ZNF555: variants seen among roughly 807,000 people sequenced by gnomAD.
ZNF555 encodes the protein zinc finger protein 555.
In ZNF555, 10 loss-of-function variants were observed where a neutral mutation model predicts 14.0. That is an observed-to-expected ratio of 0.72 (90% CI 0.44 to 1.21). ZNF555 has a LOEUF of 1.21. Among genes scored for constraint, ZNF555 ranks in the 50% most tolerant of loss-of-function variants. The pLI is 0.00. For missense variants in ZNF555, 747 were observed against 762.0 expected (o/e 0.98, Z 0.23); for synonymous variants, 277 against 262.4 (o/e 1.06, Z -0.54).
At position 2,851,747 on chromosome 19, in the gene ZNF555, G is replaced by C. The variant is rs985174582; in HGVS notation, c.314+96G>C. On this transcript the variant is annotated intron_variant, in intron 3 of 3. Transcript: ENST00000334241. ...GCAAGCAAACAGAAAACTCATCCAA[G>C]CCTAGCTCCAATTTGTTTAATCCAC... The C allele has an allele frequency of 6.2e-6, 7 of 1,132,944 alleles. No individual in the cohort carries two copies. In the Admixed American group the frequency reaches 9.9e-5, roughly 16 times the overall value. The allele number at this position is 1,132,944 out of a possible 1,614,324, so 70.2% of individuals were successfully genotyped here. A position where few individuals can be genotyped will look rare whatever the true frequency, so the allele number is the denominator to read the frequency against.
rs1299821254 is a variant in ZNF555, at chr19:2,859,934, C to G, written c.*5982C>G. Reference sequence around the variant, plus strand: ...TGTTCTTCTGTGTAACAGGTGATGTCCTAGGTGCTGCAGTGAACAGAAGAG... The same window carrying G: ...TGTTCTTCTGTGTAACAGGTGATGTGCTAGGTGCTGCAGTGAACAGAAGAG... On this transcript the variant is annotated 3_prime_UTR_variant, in exon 4 of 4. Transcript: ENST00000334241. The G allele has an allele frequency of 6.6e-6, 1 of 152,186 alleles. No homozygotes were observed. Among genetic ancestry groups the G allele is most frequent in the Non-Finnish European group, 1.5e-5 (1 of 68,068 alleles). 9.4% of individuals were successfully genotyped at this position (152,186 alleles called of 1,614,324 possible).
At chr19:2,850,839 C>A in intron 2 of ZNF555, 126 bp downstream of exon 2, 1 of 1,158,506 alleles carries the variant, frequency 8.6e-7, no homozygotes, top group Non-Finnish European at 1.2e-6. Context: ...CAGACATAGT[C>A]ACAGCTGTCA....
intron 1 of ZNF555, among the ~76,000 whole-genome samples, chr19:2,843,937 C>G (rs116948235): frequency 1.3e-5 from 2 of 152,082 alleles, no homozygotes; most frequent in Admixed American, 6.6e-5. Flanking sequence ...GGTGCTGTCT[C>G]GGCTCATTGC....
rs138961273 is a variant in ZNF555, at chr19:2,852,547, G to C, written c.482G>C (p.Ser161Thr). 11 of 1,613,912 alleles carry C rather than the reference G, an allele frequency of 6.8e-6. No individual in the cohort carries two copies. The highest frequency in any genetic ancestry group is 9.3e-6 in the Non-Finnish European group (11 of 1,180,030). Residue 161 changes from serine to threonine, a missense_variant, in exon 4 of 4, where the codon AGT becomes ACT. Physicochemically the swap from Ser to Thr is moderately conservative, Grantham distance 58 (BLOSUM62 1). Coordinates refer to ENST00000334241, the MANE Select transcript of ZNF555 (RefSeq NM_152791.5). ...ATGCATCGCCGCACATCCCTCAAGA[G>C]TCCCATCACAGTTCACACTGGACAC... ...VFMHRRTSLKSPITVHTGHKP... is the reference protein window; with the variant it reads ...VFMHRRTSLKTPITVHTGHKP...
rs561693276 is a variant in ZNF555 at position 2,855,791 on chromosome 19, T to C, written c.*1839T>C. 1.3e-5 allele frequency: 2 copies of C among 152,268 alleles called. No homozygotes were observed. The highest frequency in any genetic ancestry group is 3.9e-4 in the East Asian group (2 of 5,182). 9.4% of individuals were successfully genotyped at this position (152,268 alleles called of 1,614,324 possible). On this transcript the variant is annotated 3_prime_UTR_variant, in exon 4 of 4. Transcript: ENST00000334241. Reference sequence around the variant, plus strand: ...CAGAACTCACCTAGCTTCTGGTAGTTCCTTAGCTTGTGGCAGCATAACTCT... The same window carrying C: ...CAGAACTCACCTAGCTTCTGGTAGTCCCTTAGCTTGTGGCAGCATAACTCT...
At chr19:2,843,393 G>T (rs908258093) in intron 1 of ZNF555, among the ~76,000 whole-genome samples, 1 of 152,116 alleles carries the variant, frequency 6.6e-6, no homozygotes, top group African/African-American at 2.4e-5. Flanking sequence ...TCGAACTCCT[G>T]AGCTCAGGTG....
intron 1 of ZNF555, among the ~76,000 whole-genome samples, chr19:2,842,338 A>G (rs2087544822): frequency 6.6e-6 from 1 of 152,182 alleles, no homozygotes; most frequent in Non-Finnish European, 1.5e-5. Context: ...GCTCTCACAC[A>G]CAAGGAAGAA....
intron 1 of ZNF555, among the ~76,000 whole-genome samples, chr19:2,842,242 TC>T (rs929983022): frequency 6.6e-5 from 10 of 152,184 alleles, no homozygotes; most frequent in African/African-American, 2.4e-4. Context: ...GTCCCGGTTT[TC>T]CTTCTTGAGG....
chr19:2,853,442 A>G lies in ZNF555; in HGVS notation c.1377A>G (p.Lys459=), dbSNP rs770609442. 1.2e-6 allele frequency: 2 copies of G among 1,614,102 alleles called. No homozygotes were observed. Among genetic ancestry groups the G allele is most frequent in the African/African-American group, 2.7e-5 (2 of 74,952 alleles). The change falls in exon 4 of 4, where the codon AAA becomes AAG. Residue 459 remains lysine, a synonymous_variant. Transcript: ENST00000334241. ...CCTATGAATGTAAGCAGTGTGGGAA[A>G]GCCTTCAGCTTGTCTGCTTGCTTTC... ...EKPYECKQCG[K]AFSLSACFRE... is the part of the protein sequence containing the mutation.
Position 2,850,821 on chromosome 19 carries a change from A to T in ZNF555, c.130+108A>T, listed in dbSNP as rs1179971211. 2.9e-6 allele frequency: 4 copies of T among 1,390,884 alleles called. No individual in the cohort carries two copies. In the Admixed American group the frequency reaches 6.2e-5, roughly 21 times the overall value. The allele number at this position is 1,390,884 out of a possible 1,614,324, so 86.2% of individuals were successfully genotyped here. A position where few individuals can be genotyped will look rare whatever the true frequency, so the allele number is the denominator to read the frequency against. On this transcript the variant is annotated intron_variant, in intron 2 of 3. Coordinates refer to ENST00000334241, the MANE Select transcript of ZNF555 (RefSeq NM_152791.5). ...GAATGTGGAAAGGGAATAAATTGGTAAATAAGACAGACATAGTCACAGCTG... is the reference window on the plus strand; with the variant it reads ...GAATGTGGAAAGGGAATAAATTGGTTAATAAGACAGACATAGTCACAGCTG...
Position 2,852,603 on chromosome 19 carries a change from G to A in ZNF555, c.538G>A (p.Ala180Thr). The change falls in exon 4 of 4, where the codon GCC becomes ACC. Residue 180 changes from alanine (A) to threonine (T), a missense_variant. Coordinates refer to ENST00000334241, the MANE Select transcript of ZNF555 (RefSeq NM_152791.5). ...KPYQCQECGQ[A>T]YSCRSHLRMH... is the part of the protein sequence containing the mutation. ...ATATCAGTGCCAGGAATGTGGGCAG[G>A]CCTACAGTTGTCGTTCACACCTAAG... 5 of 1,614,156 alleles carry A rather than the reference G, an allele frequency of 3.1e-6. No homozygotes were observed. The highest frequency in any genetic ancestry group is 2.2e-5 in the South Asian group (2 of 91,084).
rs1330177046 is a variant in ZNF555, at chr19:2,856,840, T to G, written c.*2888T>G. The G allele has an allele frequency of 6.6e-6, 1 of 152,150 alleles. No individual in the cohort carries two copies. The highest frequency in any genetic ancestry group is 1.9e-4 in the East Asian group (1 of 5,198). The allele number at this position is 152,150 out of a possible 1,614,324, so 9.4% of individuals were successfully genotyped here. ...CTACAAAGCAGAAGTTAATTGGAGC[T>G]GAAAACTAATCAGTAAAGCCACAGC... On this transcript the variant is annotated 3_prime_UTR_variant, in exon 4 of 4. Transcript: ENST00000334241.
Position 2,841,578 on chromosome 19 carries a change from G to C in ZNF555, c.3+3G>C. 6.5e-7 allele frequency: 1 copy of C among 1,542,236 alleles called. No homozygotes were observed. The highest frequency in any genetic ancestry group is 8.7e-7 in the Non-Finnish European group (1 of 1,143,218). On this transcript the variant is annotated splice_donor_region_variant and intron_variant, in intron 1 of 3. Transcript: ENST00000334241. Reference sequence around the variant, plus strand: ...CGAAGAAATCGCCCCGGGACATGGTGAGTGTGGCGCAGGAGAGGATCCCGG... The same window carrying C: ...CGAAGAAATCGCCCCGGGACATGGTCAGTGTGGCGCAGGAGAGGATCCCGG...
rs1347119442 is a variant in ZNF555, at chr19:2,856,001, T to C, written c.*2049T>C. ...GCGAATTAAGATTTCAACGTAAAAA[T>C]TTTAGGAGACCCAATTCAACCCATA... is the stretch of plus-strand genomic sequence containing the variant. On this transcript the variant is annotated 3_prime_UTR_variant, in exon 4 of 4. Transcript: ENST00000334241. 1 of 152,176 alleles carries C rather than the reference T, an allele frequency of 6.6e-6. No individual in the cohort carries two copies. Among genetic ancestry groups the C allele is most frequent in the Non-Finnish European group, 1.5e-5 (1 of 68,024 alleles). The allele number at this position is 152,176 out of a possible 1,614,324, so 9.4% of individuals were successfully genotyped here. A position where few individuals can be genotyped will look rare whatever the true frequency, so the allele number is the denominator to read the frequency against.
chr19:2,853,547 C>T lies in ZNF555; in HGVS notation c.1482C>T (p.Ser494=), dbSNP rs1010532002. The T allele has an allele frequency of 6.2e-7, 1 of 1,610,826 alleles. No homozygotes were observed. The highest frequency in any genetic ancestry group is 8.5e-7 in the Non-Finnish European group (1 of 1,177,694). The part of the protein sequence containing the change: ...LCGKAFYCHI[S]LQKHMRRHTA... ...GGAAAGCTTTCTATTGCCACATATC[C>T]TTACAAAAACATATGAGAAGACATA... Residue 494 remains serine (S), a synonymous_variant, in exon 4 of 4, where the codon TCC becomes TCT. Transcript: ENST00000334241.
Position 2,853,336 on chromosome 19 carries a change from A to G in ZNF555, c.1271A>G (p.Tyr424Cys), listed in dbSNP as rs146880900. 4 of 1,614,184 alleles carry G rather than the reference A, an allele frequency of 2.5e-6. No individual in the cohort carries two copies. Among genetic ancestry groups the G allele is most frequent in the East Asian group, 2.2e-5 (1 of 44,888 alleles). Residue 424 changes from tyrosine to cysteine, a missense_variant, in exon 4 of 4, where the codon TAT becomes TGT. Coordinates refer to ENST00000334241, the MANE Select transcript of ZNF555 (RefSeq NM_152791.5). ...HMRVHTGEKPYECKQCGKTFN... is the reference protein window; with the variant it reads ...HMRVHTGEKPCECKQCGKTFN... ...AGGGTGCACACTGGAGAGAAACCCTATGAGTGCAAGCAATGTGGGAAAACT... is the reference window on the plus strand; with the variant it reads ...AGGGTGCACACTGGAGAGAAACCCTGTGAGTGCAAGCAATGTGGGAAAACT...
chr19:2,845,311 G>A (rs1457834757), intron 1 of ZNF555, among the ~76,000 whole-genome samples: 2 of 152,176 alleles, frequency 1.3e-5, no homozygotes, highest in Non-Finnish European at 2.9e-5. Flanking sequence ...TCTTTTTTAT[G>A]GCTGTGTAGT....
Position 2,851,596 on chromosome 19 carries a change from A to G in ZNF555, c.259A>G (p.Ile87Val), listed in dbSNP as rs1256232433. 6.2e-7 allele frequency: 1 copy of G among 1,611,438 alleles called. No individual in the cohort carries two copies. Among genetic ancestry groups the G allele is most frequent in the Non-Finnish European group, 8.5e-7 (1 of 1,179,328 alleles). Residue 87 changes from isoleucine (I) to valine (V), a missense_variant, in exon 3 of 4, where the codon ATT (isoleucine) becomes GTT (valine). Coordinates refer to ENST00000334241, the MANE Select transcript of ZNF555 (RefSeq NM_152791.5). ...NVSWASVLGKIWDSLSIEDQT... is the reference protein window; with the variant it reads ...NVSWASVLGKVWDSLSIEDQT... ...TTCCTGGGCCTCTGTTTTAGGAAAA[A>G]TTTGGGACAGTCTTAGCATCGAAGA...
intron 1 of ZNF555, 74 bp from the exon 2 acceptor site, chr19:2,850,513 C>T: frequency 6.4e-7 from 1 of 1,567,508 alleles, no homozygotes; most frequent in East Asian, 2.3e-5. Context: ...GTTTGAACTA[C>T]ATACGAATTG....
Sources: allele counts gnomAD v4.1 joint callset (sites outside exome capture counted in the v4.1 genomes callset), GRCh38; gene constraint gnomAD v4.1.1; transcripts MANE v1.5; gene names NCBI Gene and HGNC (gene_info 2026-07-23, HGNC 2026-07-21).